The following TBX20 variants were observed in gnomAD, a reference collection of about 807,000 sequenced individuals.
TBX20 encodes T-box transcription factor 20.
A neutral mutation model predicts 42.9 loss-of-function variants in TBX20; 8 were observed. The observed-to-expected ratio is 0.19, with a 90% CI of 0.11 to 0.34. TBX20 has a LOEUF of 0.34. Ranked by LOEUF, TBX20 falls within the 10% of genes least tolerant of loss-of-function variation. The pLI is 1.00. For synonymous variants in TBX20, 198 were observed against 222.8 expected, an observed-to-expected ratio of 0.89 and a Z score of 0.99; for missense variants, 411 against 566.0, an observed-to-expected ratio of 0.73 and a Z score of 2.78.
intron 6 of TBX20, among the ~76,000 whole-genome samples, chr7:35,229,418 A>G (rs917171890): frequency 6.6e-6 from 1 of 152,166 alleles, no homozygotes; most frequent in Non-Finnish European, 1.5e-5. Flanking sequence ...TTTATGAAAA[A>G]TTCAGACTTA....
In TBX20 at chr7:35,204,371, G is replaced by A. The variant is rs483353007; in HGVS notation, c.1003+99C>T. 16 of 779,694 alleles carry A rather than the reference G, an allele frequency of 2.1e-5. No homozygotes were observed. The highest frequency in any genetic ancestry group is 4.0e-5 in the Admixed American group (2 of 50,382). The allele number at this position is 779,694 out of a possible 1,614,324, so 48.3% of individuals were successfully genotyped here. On this transcript the variant is annotated intron_variant, in intron 7 of 7. Coordinates refer to ENST00000408931, the MANE Select transcript of TBX20 (RefSeq NM_001077653.2). ...GCTCCTGAAATCCTTTCCCGGCATCGTGTACTCTGAGGACTGGCCATCTCA... is the reference window on the plus strand; with the variant it reads ...GCTCCTGAAATCCTTTCCCGGCATCATGTACTCTGAGGACTGGCCATCTCA...
Position 35,250,065 on chromosome 7 carries a change from G to T in TBX20, c.266C>A (p.Thr89Asn), listed in dbSNP as rs1417603653. 4 of 1,614,040 alleles carry T rather than the reference G, an allele frequency of 2.5e-6. No homozygotes were observed. Among genetic ancestry groups the T allele is most frequent in the Non-Finnish European group, 8.5e-7 (1 of 1,179,990 alleles). ...SLCTEPLIPT[T>N]PIIPSEEMAK... ...CATTTCCTCACTGGGGATGATGGGG[G>T]TGGTGGGGATCAGTGGCTCAGTGCA... Residue 89 changes from threonine to asparagine, a missense_variant, in exon 2 of 8, where the codon ACC becomes AAC. Transcript: ENST00000408931.
rs1562568098 is a variant in TBX20 at position 35,250,040 on chromosome 7, C to T, written c.291G>A (p.Met97Ile). 6.2e-7 allele frequency: 1 copy of T among 1,614,012 alleles called. No individual in the cohort carries two copies. Among genetic ancestry groups the T allele is most frequent in the Non-Finnish European group, 8.5e-7 (1 of 1,179,932 alleles). ...TCTCCAGGCTGCAGGCAATTTTGGC[C>T]ATTTCCTCACTGGGGATGATGGGGG... Reference protein sequence around the residue: ...PTTPIIPSEEMAKIACSLETK... With the variant: ...PTTPIIPSEEIAKIACSLETK... The change falls in exon 2 of 8, where the codon ATG becomes ATA. Residue 97 changes from methionine to isoleucine, a missense_variant. Met to Ile is a conservative substitution (Grantham distance 10, BLOSUM62 1). Coordinates refer to ENST00000408931, the MANE Select transcript of TBX20 (RefSeq NM_001077653.2).
At chr7:35,205,176 C>CA (rs1020191345) in intron 6 of TBX20, among the ~76,000 whole-genome samples, 2 of 152,148 alleles carry the variant, frequency 1.3e-5, no homozygotes, top group African/African-American at 4.8e-5. Flanking sequence ...CTGAAAATTA[C>CA]AAAAAACCCA....
At chr7:35,235,833 T>C (rs1043120478) in intron 5 of TBX20, among the ~76,000 whole-genome samples, 1 of 152,166 alleles carries the variant, frequency 6.6e-6, no homozygotes, top group Non-Finnish European at 1.5e-5. Context: ...TTCTGTATAA[T>C]ATCACTGGAC....
chr7:35,205,121 T>C (rs1416199235), intron 6 of TBX20, among the ~76,000 whole-genome samples: 1 of 152,094 alleles, frequency 6.6e-6, no homozygotes, highest in East Asian at 1.9e-4. Context: ...TAGTACAATA[T>C]AGATAGTTTG....
chr7:35,241,207 G>C (rs1460688220), intron 4 of TBX20, among the ~76,000 whole-genome samples, 170 bp from the exon 5 acceptor site: 1 of 152,222 alleles, frequency 6.6e-6, no homozygotes, highest in Non-Finnish European at 1.5e-5. Flanking sequence ...AGATACTGCA[G>C]AGTCATTGTT....
chr7:35,204,530 G>A lies in TBX20; in HGVS notation c.943C>T (p.Arg315Cys). The A allele has an allele frequency of 8.7e-6, 14 of 1,614,102 alleles. No individual in the cohort carries two copies. Among genetic ancestry groups the A allele is most frequent in the Middle Eastern group, 1.6e-4 (1 of 6,062 alleles). ...QKHSYARSPI[R>C]TYGGEEDVLG... ...ACATCTTCTTCTCCTCCGTAGGTACGGATGGGTGAGCGTGCATAGGAATGC... is the reference window on the plus strand; with the variant it reads ...ACATCTTCTTCTCCTCCGTAGGTACAGATGGGTGAGCGTGCATAGGAATGC... The change falls in exon 7 of 8, where the codon CGT becomes TGT. Residue 315 changes from arginine to cysteine, a missense_variant. By Grantham distance (180) the Arg-to-Cys change is radical (BLOSUM62 -3). Around this residue, in one of 5 missense-constraint regions of TBX20, gnomAD observed 162 missense variants for 205.4 expected, o/e 0.79. Coordinates refer to ENST00000408931, the MANE Select transcript of TBX20 (RefSeq NM_001077653.2).
Position 35,249,851 on chromosome 7 carries a change from T to C in TBX20, c.380+100A>G. 6 of 1,373,546 alleles carry C rather than the reference T, an allele frequency of 4.4e-6. No individual in the cohort carries two copies. The highest frequency in any genetic ancestry group is 6.0e-6 in the Non-Finnish European group (6 of 1,006,998). 85.1% of individuals were successfully genotyped at this position (1,373,546 alleles called of 1,614,324 possible). A position where few individuals can be genotyped will look rare whatever the true frequency, so the allele number is the denominator to read the frequency against. ...GGAGCCAAGCTGTCTCTCCGCTCCA[T>C]GACCAGCCAGCTCTCATCTAGTTCC... is the stretch of plus-strand genomic sequence containing the variant. On this transcript the variant is annotated intron_variant, in intron 2 of 7. Coordinates refer to ENST00000408931, the MANE Select transcript of TBX20 (RefSeq NM_001077653.2). The surrounding 1 kb of genome is among the most constrained non-coding windows in gnomAD (Gnocchi z 4.3).
chr7:35,237,860 T>C (rs1289676589), intron 5 of TBX20, among the ~76,000 whole-genome samples: 1 of 129,702 alleles, frequency 7.7e-6, no homozygotes, highest in Non-Finnish European at 1.7e-5. Context: ...GAGCAGCACA[T>C]TTGTTTAAAA....
At chr7:35,221,418 C>G (rs1789682550) in intron 6 of TBX20, among the ~76,000 whole-genome samples, 1 of 151,872 alleles carries the variant, frequency 6.6e-6, no homozygotes, top group Non-Finnish European at 1.5e-5. Context: ...AAAAACACTA[C>G]AACTGAACAG....
chr7:35,206,822 C>T (rs973130615), intron 6 of TBX20, among the ~76,000 whole-genome samples: 3 of 152,156 alleles, frequency 2.0e-5, no homozygotes, highest in African/African-American at 7.2e-5. Context: ...GCTTATTTCA[C>T]TCAGCATATT....
At chr7:35,212,399 T>C (rs1451487458) in intron 6 of TBX20, among the ~76,000 whole-genome samples, 1 of 152,230 alleles carries the variant, frequency 6.6e-6, no homozygotes, top group Non-Finnish European at 1.5e-5. Flanking sequence ...TTCAACTGAT[T>C]ATCTCTTCAC....
intron 6 of TBX20, among the ~76,000 whole-genome samples, chr7:35,212,753 G>A (rs1789519465): frequency 6.6e-6 from 1 of 152,078 alleles, no homozygotes; most frequent in African/African-American, 2.4e-5. Flanking sequence ...ATTATCCCTG[G>A]GTGACCACAA....
intron 3 of TBX20, among the ~76,000 whole-genome samples, chr7:35,246,850 C>T (rs897459017): frequency 1.3e-5 from 2 of 151,754 alleles, no homozygotes; most frequent in African/African-American, 4.8e-5. Flanking sequence ...TTTTTTATCC[C>T]ATAATAAGCT....
At chr7:35,237,048 T>C (rs1381469135) in intron 5 of TBX20, among the ~76,000 whole-genome samples, 1 of 151,982 alleles carries the variant, frequency 6.6e-6, no homozygotes, top group Non-Finnish European at 1.5e-5. Flanking sequence ...GGTCACTTCC[T>C]TGGCCTTGCA....
At chr7:35,224,444 A>G (rs1460343069) in intron 6 of TBX20, among the ~76,000 whole-genome samples, 2 of 146,596 alleles carry the variant, frequency 1.4e-5, no homozygotes, top group Admixed American at 1.4e-4. Context: ...AGGCCGAGGC[A>G]GGCGGATGAC....
intron 6 of TBX20, among the ~76,000 whole-genome samples, chr7:35,225,060 G>A (rs1789746656): frequency 6.6e-6 from 1 of 152,030 alleles, no homozygotes; most frequent in African/African-American, 2.4e-5. Flanking sequence ...TTTTGCAAAT[G>A]ATATAGCAAT....
chr7:35,202,757 T>C lies in TBX20; in HGVS notation c.1017A>G (p.Thr339=). 6.4e-7 allele frequency: 1 copy of C among 1,555,140 alleles called. No homozygotes were observed. Among genetic ancestry groups the C allele is most frequent in the East Asian group, 2.4e-5 (1 of 41,170 alleles). ...AGCTGAGAGACAAATTATCAGATGT[T>C]GTAAAGGCTGACCCTGTAAGGAAAA... The part of the protein sequence containing the change: ...QTTPNRGSAF[T]TSDNLSLSSW... The change falls in exon 8 of 8, where the codon ACA becomes ACG. Residue 339 remains threonine (T), a synonymous_variant. Coordinates refer to ENST00000408931, the MANE Select transcript of TBX20 (RefSeq NM_001077653.2).
Sources: allele counts gnomAD v4.1 joint callset (sites outside exome capture counted in the v4.1 genomes callset), GRCh38; gene constraint gnomAD v4.1.1; regional missense constraint gnomAD v4.1.1; non-coding constraint Gnocchi (gnomAD v3.1); transcripts MANE v1.5; gene names NCBI Gene and HGNC (gene_info 2026-07-23, HGNC 2026-07-21).